FBXO16: variants seen among roughly 807,000 people sequenced by gnomAD.
FBXO16 encodes F-box protein 16.
Under a neutral mutation model 41.0 loss-of-function variants are expected in FBXO16, and 31 were observed. That is an observed-to-expected ratio of 0.76 (90% CI 0.57 to 1.02). The LOEUF (loss-of-function observed/expected upper bound fraction) is 1.02. FBXO16 is among the 50% of genes least tolerant of loss of function. The probability of loss-of-function intolerance (pLI) is 0.00; values close to 1 mark genes in which losing one functional copy is unlikely to be tolerated. For missense variants in FBXO16, 361 were observed against 346.2 expected, an observed-to-expected ratio of 1.04 and a Z score of -0.34; for synonymous variants, 133 against 117.8, an observed-to-expected ratio of 1.13 and a Z score of -0.84.
chr8:28,434,117 C>T (rs1802652214), intron 7 of FBXO16, among the ~76,000 whole-genome samples: 1 of 152,162 alleles, frequency 6.6e-6, no homozygotes, highest in Admixed American at 6.5e-5. Context: ...CCTGCCACCA[C>T]ACCCAACTAA....
intron 7 of FBXO16, among the ~76,000 whole-genome samples, chr8:28,441,617 T>G (rs1296813366): frequency 6.6e-6 from 1 of 151,194 alleles, no homozygotes; most frequent in Non-Finnish European, 1.5e-5. Flanking sequence ...GTGCCTGTAG[T>G]CCCAGCTACT....
rs189243721 is a variant in FBXO16, at chr8:28,466,367, G to A, written c.136-2549C>T. Reference sequence around the variant, plus strand: ...GAGACTATCACTGCAGTGGGGAGGAGGAGGACCCTAAAATGAAAAAACAAA... The same window carrying A: ...GAGACTATCACTGCAGTGGGGAGGAAGAGGACCCTAAAATGAAAAAACAAA... On this transcript the variant is annotated intron_variant, in intron 3 of 8. Coordinates refer to ENST00000380254, the MANE Select transcript of FBXO16 (RefSeq NM_172366.4). Among the ~76,000 whole-genome samples the A allele has an allele frequency of 2.7e-3, 406 of 152,276 alleles. 4 individuals carry two copies. The highest frequency in any genetic ancestry group is 4.2e-3 in the Non-Finnish European group (288 of 68,016).
chr8:28,472,906 T>C (rs1274405783), intron 3 of FBXO16, among the ~76,000 whole-genome samples: 7 of 152,212 alleles, frequency 4.6e-5, no homozygotes, highest in African/African-American at 1.7e-4. Context: ...CACTTAACTC[T>C]TGACCCTGAC....
At chr8:28,441,942 G>A (rs557528356) in intron 7 of FBXO16, among the ~76,000 whole-genome samples, 10,579 of 136,242 alleles carry the variant, frequency 0.078, 1,424 homozygotes, top group African/African-American at 0.27. Flanking sequence ...GTGTGTGTGT[G>A]TGTATTTTTT....
rs192577148 is a variant in FBXO16 at position 28,484,008 on chromosome 8, G to A, written c.-16-546C>T. Among the ~76,000 whole-genome samples the A allele has an allele frequency of 7.6e-4, 115 of 152,220 alleles. 2 individuals are homozygous for A. In the East Asian group the frequency reaches 0.018, roughly 23 times the overall value. Reference sequence around the variant, plus strand: ...GTGGGTTTTAACTCATTTTACACACGAGGAAGATTTGGCTTATTGATGTTA... The same window carrying A: ...GTGGGTTTTAACTCATTTTACACACAAGGAAGATTTGGCTTATTGATGTTA... On this transcript the variant is annotated intron_variant, in intron 1 of 8. Coordinates refer to ENST00000380254, the MANE Select transcript of FBXO16 (RefSeq NM_172366.4).
intron 7 of FBXO16, among the ~76,000 whole-genome samples, chr8:28,445,037 CA>C (rs1016151369): frequency 5.4e-4 from 82 of 151,230 alleles, no homozygotes; most frequent in African/African-American, 1.9e-3. Flanking sequence ...GTATCCCAAA[CA>C]GCCAAGCTTG....
Position 28,459,690 on chromosome 8 carries a change from T to C in FBXO16, c.343-2760A>G, listed in dbSNP as rs145378296. ...TAATGCATCATATATGGCTATTTGATACCCTCTTATTACTAGGCATCCAGA... is the reference window on the plus strand; with the variant it reads ...TAATGCATCATATATGGCTATTTGACACCCTCTTATTACTAGGCATCCAGA... On this transcript the variant is annotated intron_variant, in intron 4 of 8. Transcript: ENST00000380254. 6.1e-3 allele frequency among the ~76,000 whole-genome samples: 924 copies of C among 150,720 alleles called. 6 individuals are homozygous for C. Among genetic ancestry groups the C allele is most frequent in the African/African-American group, 0.021 (884 of 41,196 alleles).
chr8:28,472,709 C>G (rs1038129142), intron 3 of FBXO16, among the ~76,000 whole-genome samples: 3 of 152,142 alleles, frequency 2.0e-5, no homozygotes, highest in Non-Finnish European at 4.4e-5. Context: ...GGCACCATTA[C>G]ACTCCAGCCT....
At chr8:28,446,597 CGCGGTGG>C (rs2130112974) in intron 7 of FBXO16, among the ~76,000 whole-genome samples, 3 of 151,842 alleles carry the variant, frequency 2.0e-5, no homozygotes, top group African/African-American at 7.2e-5. Context: ...CTTGGCCAGG[CGCGGTGG>C]CTCATGCTTG....
chr8:28,454,389 T>C (rs182789639), intron 5 of FBXO16, among the ~76,000 whole-genome samples: 1 of 151,692 alleles, frequency 6.6e-6, no homozygotes, highest in East Asian at 1.9e-4. Context: ...AAAAATAACT[T>C]CAGGGGGAAA....
chr8:28,456,156 C>T (rs895080462), intron 5 of FBXO16, among the ~76,000 whole-genome samples: 5 of 151,610 alleles, frequency 3.3e-5, no homozygotes, highest in Non-Finnish European at 5.9e-5. Context: ...TGGGACTATA[C>T]GAATGAATAT....
intron 4 of FBXO16, among the ~76,000 whole-genome samples, chr8:28,460,953 C>T (rs1009240873): frequency 6.6e-6 from 1 of 152,110 alleles, no homozygotes; most frequent in African/African-American, 2.4e-5. Flanking sequence ...CCAGGCCAGT[C>T]TCAAACTCTT....
At position 28,483,356 on chromosome 8, in the gene FBXO16, T is replaced by C; in HGVS notation, c.91A>G (p.Asn31Asp). Residue 31 changes from asparagine to aspartate, a missense_variant, in exon 2 of 9, where the codon AAT becomes GAT. Transcript: ENST00000380254. The stretch of plus-strand genomic sequence containing the variant: ...TAGTTCTGGTCACTTACCCGGTCAT[T>C]CAATAGCTGATGGTTTAGGGGTGTC... ...TWTPLNHQLL[N>D]DRVFEERRAL... is the part of the protein sequence containing the mutation. 2 of 1,612,632 alleles carry C rather than the reference T, an allele frequency of 1.2e-6. No individual in the cohort carries two copies. Among genetic ancestry groups the C allele is most frequent in the Non-Finnish European group, 1.7e-6 (2 of 1,179,626 alleles).
At chr8:28,455,719 T>C (rs1803028963) in intron 5 of FBXO16, 1 of 152,240 alleles carries the variant, frequency 6.6e-6, no homozygotes, top group South Asian at 2.1e-4. Flanking sequence ...CAAGAGAACT[T>C]TAAAAATTCT....
intron 3 of FBXO16, among the ~76,000 whole-genome samples, chr8:28,472,252 T>C (rs770702134): frequency 1.3e-5 from 2 of 152,096 alleles, no homozygotes; most frequent in African/African-American, 4.8e-5. Context: ...CCACCATGCC[T>C]GGCTAATTTT....
At chr8:28,446,680 T>C (rs538089754) in intron 7 of FBXO16, among the ~76,000 whole-genome samples, 13 of 151,890 alleles carry the variant, frequency 8.6e-5, no homozygotes, top group African/African-American at 3.1e-4. Context: ...GAGACCAGTC[T>C]GGTCAACATG....
intron 1 of FBXO16, among the ~76,000 whole-genome samples, chr8:28,487,159 T>C (rs942117943): frequency 1.3e-5 from 2 of 152,050 alleles, no homozygotes; most frequent in African/African-American, 4.8e-5. Context: ...TTAGACTTTC[T>C]TTCAACCTGC....
intron 6 of FBXO16, among the ~76,000 whole-genome samples, chr8:28,452,013 A>C (rs1468789761): frequency 6.6e-6 from 1 of 151,750 alleles, no homozygotes; most frequent in Admixed American, 6.6e-5. Context: ...AAAAAAAAAA[A>C]ATTAGAAGAA....
chr8:28,489,916 A>T (rs1320574255), intron 1 of FBXO16, among the ~76,000 whole-genome samples: 1 of 152,234 alleles, frequency 6.6e-6, no homozygotes, highest in Non-Finnish European at 1.5e-5. Context: ...GAAATAGCGT[A>T]TGGGTAGATT....
Sources: gnomAD v4.1 joint callset for allele counts (sites outside exome capture counted in the v4.1 genomes callset) on GRCh38, gnomAD v4.1.1 for gene constraint, MANE v1.5 for transcripts, NCBI Gene and HGNC (gene_info 2026-07-23, HGNC 2026-07-21) for gene names.